DOCK2: variants seen among roughly 807,000 people sequenced by gnomAD.
The protein encoded by DOCK2 is dedicator of cytokinesis protein 2.
In DOCK2, 87 loss-of-function variants were observed where a neutral mutation model predicts 248.9. That is an observed-to-expected ratio of 0.35 (90% CI 0.29 to 0.42). The LOEUF (loss-of-function observed/expected upper bound fraction) is 0.42, where lower values mean the gene tolerates loss of function less well. DOCK2 is among the 10% of genes least tolerant of loss of function. The pLI, the probability that DOCK2 is intolerant of heterozygous loss-of-function variation, is 1.00. For missense variants in DOCK2, 1,747 were observed against 2,300.2 expected (o/e 0.76, Z 4.92); for synonymous variants, 805 against 821.6 (o/e 0.98, Z 0.35).
intron 26 of DOCK2, 150 bp from the exon 27 acceptor site, chr5:169,840,607 G>GATT: frequency 1.5e-6 from 1 of 676,472 alleles, no homozygotes; most frequent in South Asian, 1.7e-5. Context: ...TGATGATGAT[G>GATT]ATGATGATGA....
rs565939477 is a variant in DOCK2, at chr5:169,958,888, G to A, written c.2800-24180G>A. The stretch of plus-strand genomic sequence containing the variant: ...AGAGAGTGGGGGAAAAACCTAGTAC[G>A]CTTTGTGTCTCTCAAAGACAATGTG... On this transcript the variant is annotated intron_variant, in intron 27 of 51. Transcript: ENST00000520908. Among the ~76,000 whole-genome samples the A allele has an allele frequency of 3.9e-5, 6 of 152,178 alleles. No homozygotes were observed. In the South Asian group the frequency reaches 8.3e-4, roughly 21 times the overall value.
intron 26 of DOCK2, among the ~76,000 whole-genome samples, chr5:169,817,784 C>G (rs553295829): frequency 6.6e-6 from 1 of 152,296 alleles, no homozygotes; most frequent in African/African-American, 2.4e-5. Flanking sequence ...TCCAGTCTTA[C>G]GTTTCTCCCG....
intron 27 of DOCK2, among the ~76,000 whole-genome samples, chr5:169,852,503 G>A (rs1228977757): frequency 6.6e-6 from 1 of 152,200 alleles, no homozygotes; most frequent in Non-Finnish European, 1.5e-5. Flanking sequence ...CAAGAAGGGA[G>A]GAGGTCTCCT....
chr5:169,838,587 G>T (rs1769739100), intron 26 of DOCK2, among the ~76,000 whole-genome samples: 1 of 152,162 alleles, frequency 6.6e-6, no homozygotes, highest in African/African-American at 2.4e-5. Context: ...GTTCATCTTT[G>T]GGCCAGAAAT....
chr5:170,033,533 T>C (rs1756217512), intron 34 of DOCK2, among the ~76,000 whole-genome samples: 1 of 152,214 alleles, frequency 6.6e-6, no homozygotes, highest in Non-Finnish European at 1.5e-5. Flanking sequence ...AGACACATGA[T>C]GGCCATGTAC....
intron 27 of DOCK2, among the ~76,000 whole-genome samples, chr5:169,927,801 A>G (rs942771792): frequency 1.2e-4 from 18 of 152,132 alleles, no homozygotes; most frequent in African/African-American, 3.9e-4. Context: ...TATTTTTAGT[A>G]GAGATGGGGT....
chr5:169,827,661 C>A (rs568386776), intron 26 of DOCK2, among the ~76,000 whole-genome samples: 4 of 152,070 alleles, frequency 2.6e-5, no homozygotes, highest in Non-Finnish European at 5.9e-5. Context: ...AACTATAGAT[C>A]GGAATTCGGA....
chr5:169,930,820 T>G (rs966249893), intron 27 of DOCK2, among the ~76,000 whole-genome samples: 2 of 152,234 alleles, frequency 1.3e-5, no homozygotes, highest in African/African-American at 4.8e-5. Flanking sequence ...TCTTTTCTTA[T>G]GCTTTCAGCT....
chr5:170,018,837 T>C (rs1755623605), intron 32 of DOCK2, 123 bp from the exon 33 acceptor site: 3 of 1,263,408 alleles, frequency 2.4e-6, no homozygotes, highest in Non-Finnish European at 3.3e-6. Flanking sequence ...TAAACAACTA[T>C]ATAAGTGTTA....
At chr5:169,777,083 C>T (rs1165610440) in intron 25 of DOCK2, among the ~76,000 whole-genome samples, 1 of 152,112 alleles carries the variant, frequency 6.6e-6, no homozygotes, top group Non-Finnish European at 1.5e-5. Context: ...ATTTGTTTAC[C>T]ATTGGATGTG....
At chr5:170,052,493 A>T (rs1477072043) in intron 41 of DOCK2, among the ~76,000 whole-genome samples, 1 of 152,198 alleles carries the variant, frequency 6.6e-6, no homozygotes, top group Non-Finnish European at 1.5e-5. Context: ...AATATTTGCT[A>T]AATGTCCTTT....
rs567855180 is a variant in DOCK2 at position 170,040,044 on chromosome 5, C to T, written c.3666-1011C>T. ...CAGTGATAATAGGTAATAACTGTCA[C>T]TGCTCAGTGCCGGCTACAGGCTAAT... On this transcript the variant is annotated intron_variant, in intron 36 of 51. Transcript: ENST00000520908. 2.6e-5 allele frequency among the ~76,000 whole-genome samples: 4 copies of T among 152,354 alleles called. No individual in the cohort carries two copies. In the South Asian group the frequency reaches 8.3e-4, roughly 32 times the overall value.
chr5:169,961,838 G>A (rs1434885729), intron 27 of DOCK2, among the ~76,000 whole-genome samples: 3 of 151,848 alleles, frequency 2.0e-5, no homozygotes, highest in Non-Finnish European at 4.4e-5. Context: ...AATTAGCTGA[G>A]TGTGGTGGCA....
At chr5:169,720,974 G>A (rs549613601) in intron 22 of DOCK2, among the ~76,000 whole-genome samples, 4 of 152,182 alleles carry the variant, frequency 2.6e-5, no homozygotes, top group South Asian at 2.1e-4. Context: ...TGCCCACCTC[G>A]GCCTCCCAAA....
chr5:169,870,276 G>A (rs1232078629), intron 27 of DOCK2, among the ~76,000 whole-genome samples: 1 of 152,152 alleles, frequency 6.6e-6, no homozygotes, highest in Non-Finnish European at 1.5e-5. Flanking sequence ...ACAGATCAGT[G>A]CTCCAGCCAT....
At chr5:170,016,382 G>A (rs1026064605) in intron 32 of DOCK2, among the ~76,000 whole-genome samples, 1 of 152,134 alleles carries the variant, frequency 6.6e-6, no homozygotes, top group African/African-American at 2.4e-5. Context: ...GCGTGCATGT[G>A]TATGCATCTA....
chr5:169,788,195 CTCTT>C (rs1438862600), intron 25 of DOCK2, among the ~76,000 whole-genome samples: 33 of 152,206 alleles, frequency 2.2e-4, no homozygotes, highest in African/African-American at 7.7e-4. Flanking sequence ...TCACATCTCT[CTCTT>C]TATCACTTGC....
At chr5:170,080,016 TG>T in intron 49 of DOCK2, 146 bp from the exon 50 acceptor site, 1 of 1,353,518 alleles carries the variant, frequency 7.4e-7, no homozygotes, top group Non-Finnish European at 9.9e-7. Flanking sequence ...TGGCATGGAA[TG>T]GTATAATACA....
chr5:169,641,682 TG>T (rs1757162220), intron 1 of DOCK2, among the ~76,000 whole-genome samples: 1 of 152,190 alleles, frequency 6.6e-6, no homozygotes, highest in Non-Finnish European at 1.5e-5. Flanking sequence ...TCTCCTCTCA[TG>T]GCTTCTCAGC....
Sources: allele counts gnomAD v4.1 joint callset (sites outside exome capture counted in the v4.1 genomes callset), GRCh38; gene constraint gnomAD v4.1.1; transcripts MANE v1.5; gene names NCBI Gene and HGNC (gene_info 2026-07-23, HGNC 2026-07-21).